Variants in SDK2 observed in about 807,000 individuals in gnomAD.
The protein encoded by SDK2 is protein sidekick-2.
A neutral mutation model predicts 253.9 loss-of-function variants in SDK2; 105 were observed. The observed-to-expected ratio is 0.41, with a 90% CI of 0.35 to 0.49. The LOEUF (loss-of-function observed/expected upper bound fraction) is 0.49. Among genes scored for constraint, SDK2 ranks in the 20% least tolerant of loss-of-function variants. The pLI is 0.06. For synonymous variants in SDK2, 1,249 were observed against 1,234.9 expected (o/e 1.01, Z -0.24); for missense variants, 2,608 against 3,003.0 (o/e 0.87, Z 3.07).
At chr17:73,419,775 C>T (rs10852747) in intron 15 of SDK2, among the ~76,000 whole-genome samples, 99,114 of 144,236 alleles carry the variant, frequency 0.69, 35,101 homozygotes, top group Non-Finnish European at 0.76. Flanking sequence ...TCCCAAATAC[C>T]TGGGAGACTG....
rs1228328171 is a variant in SDK2 at position 73,617,159 on chromosome 17, C to T, written c.64+26866G>A. Among the ~76,000 whole-genome samples the T allele has an allele frequency of 1.5e-4, 22 of 147,648 alleles. 3 individuals carry two copies. The highest frequency in any genetic ancestry group is 7.4e-4 in the Admixed American group (11 of 14,928). ...GCCTCTGGGGAGGGGAGAAGCTTCCCGCAGAGAGGAGGGGAGAGGGCTCCA... is the reference window on the plus strand; with the variant it reads ...GCCTCTGGGGAGGGGAGAAGCTTCCTGCAGAGAGGAGGGGAGAGGGCTCCA... On this transcript the variant is annotated intron_variant, in intron 1 of 44. Transcript: ENST00000392650.
At position 73,419,106 on chromosome 17, in the gene SDK2, G is replaced by C. The variant is rs8071352; in HGVS notation, c.2186+60C>G. 4.4e-6 allele frequency: 7 copies of C among 1,575,768 alleles called. No individual in the cohort carries two copies. The East Asian group carries it at 1.4e-4, about 31-fold the overall frequency. Reference sequence around the variant, plus strand: ...TTGCACTGTTTTCCAGTCCACTCCCGATCTTCCCCCATGCCTTTCCCCTTG... The same window carrying C: ...TTGCACTGTTTTCCAGTCCACTCCCCATCTTCCCCCATGCCTTTCCCCTTG... On this transcript the variant is annotated intron_variant, in intron 16 of 44. Transcript: ENST00000392650.
intron 4 of SDK2, among the ~76,000 whole-genome samples, chr17:73,450,098 G>A (rs11871493): frequency 0.32 from 48,654 of 152,072 alleles, 8,177 homozygotes; most frequent in South Asian, 0.37. Context: ...TTTCCTGCAG[G>A]GACTTGTCCT....
chr17:73,359,941 T>C (rs2062627370), intron 39 of SDK2, among the ~76,000 whole-genome samples: 1 of 152,170 alleles, frequency 6.6e-6, no homozygotes, highest in Non-Finnish European at 1.5e-5. Context: ...CACACCCGGC[T>C]GGTTCTTTCT....
chr17:73,548,452 C>T (rs537313808), intron 1 of SDK2, among the ~76,000 whole-genome samples: 1 of 152,340 alleles, frequency 6.6e-6, no homozygotes, highest in East Asian at 1.9e-4. Context: ...CTCTAAGCTC[C>T]CCCTGCAGCT....
chr17:73,477,333 A>G (rs2063693287), intron 2 of SDK2, among the ~76,000 whole-genome samples: 1 of 152,006 alleles, frequency 6.6e-6, no homozygotes, highest in South Asian at 2.1e-4. Flanking sequence ...TGGGGGGTGG[A>G]TTAAATGGCT....
rs2145503437 is a variant in SDK2 at position 73,393,486 on chromosome 17, G to C, written c.3898+74C>G. 8.7e-6 allele frequency: 12 copies of C among 1,383,092 alleles called. No individual in the cohort carries two copies. The South Asian group carries it at 2.0e-4, about 23-fold the overall frequency. The allele number at this position is 1,383,092 out of a possible 1,614,324, so 85.7% of individuals were successfully genotyped here. ...TGTGGGGCAGAGCCTGACCCCAGAA[G>C]GGCAAGGCCAGATGGGCAGGAGGAA... is the stretch of plus-strand genomic sequence containing the variant. On this transcript the variant is annotated intron_variant, in intron 27 of 44. Transcript: ENST00000392650.
intron 1 of SDK2, among the ~76,000 whole-genome samples, chr17:73,512,005 G>A (rs909836000): frequency 1.3e-5 from 2 of 152,136 alleles, no homozygotes; most frequent in African/African-American, 2.4e-5. Context: ...GCACATCTGT[G>A]TGTGCAAGCC....
chr17:73,489,502 G>A (rs994004668), intron 2 of SDK2, among the ~76,000 whole-genome samples: 6 of 152,324 alleles, frequency 3.9e-5, no homozygotes, highest in Middle Eastern at 3.4e-3. Context: ...GCCAAGCACC[G>A]CCCAGATGGC....
Position 73,538,781 on chromosome 17 carries a change from G to A in SDK2, c.65-31184C>T, listed in dbSNP as rs193259918. On this transcript the variant is annotated intron_variant, in intron 1 of 44. Transcript: ENST00000392650. ...ACCCAGTGTATGCCACAGCCATTTC[G>A]TCTCAGCCTGAAGAGGCTAGGAGTC... Among the ~76,000 whole-genome samples the A allele has an allele frequency of 2.1e-3, 326 of 152,278 alleles. 2 individuals carry two copies. The highest frequency in any genetic ancestry group is 6.3e-3 in the African/African-American group (261 of 41,530).
rs918192899 is a variant in SDK2, at chr17:73,455,856, C to G, written c.479+50G>C. 6.7e-7 allele frequency: 1 copy of G among 1,499,856 alleles called. No individual in the cohort carries two copies. Among genetic ancestry groups the G allele is most frequent in the Non-Finnish European group, 8.9e-7 (1 of 1,124,894 alleles). 92.9% of individuals were successfully genotyped at this position (1,499,856 alleles called of 1,614,324 possible). Reference sequence around the variant, plus strand: ...GAGACTTTATCTGGCCCCAAACCTCCTCCCCCAGACACCCCTCCCCTCCCC... The same window carrying G: ...GAGACTTTATCTGGCCCCAAACCTCGTCCCCCAGACACCCCTCCCCTCCCC... On this transcript the variant is annotated intron_variant, in intron 4 of 44. Transcript: ENST00000392650. This position sits in a 1 kb window ranked among gnomAD's most constrained non-coding sequence, Gnocchi z 5.0.
chr17:73,514,841 A>G (rs1195186711), intron 1 of SDK2, among the ~76,000 whole-genome samples: 1 of 152,100 alleles, frequency 6.6e-6, no homozygotes, highest in African/African-American at 2.4e-5. Context: ...TGGCCCCACC[A>G]CCGTGTCCTG....
chr17:73,399,856 T>G (rs1248277283), intron 21 of SDK2, among the ~76,000 whole-genome samples: 1 of 152,196 alleles, frequency 6.6e-6, no homozygotes, highest in Non-Finnish European at 1.5e-5. Flanking sequence ...CTAACTCCAC[T>G]ACTTACAGGC....
chr17:73,532,673 C>T (rs542739927), intron 1 of SDK2, among the ~76,000 whole-genome samples: 1 of 152,318 alleles, frequency 6.6e-6, no homozygotes, highest in African/African-American at 2.4e-5. Flanking sequence ...TTAATTAGGC[C>T]TGTAATGGCA....
intron 2 of SDK2, among the ~76,000 whole-genome samples, chr17:73,498,249 A>G (rs2063859382): frequency 2.0e-5 from 3 of 152,102 alleles, no homozygotes; most frequent in Non-Finnish European, 4.4e-5. Flanking sequence ...GTTTGTCCAC[A>G]CTACTCAAGT....
intron 1 of SDK2, among the ~76,000 whole-genome samples, chr17:73,554,007 G>A (rs182768785): frequency 5.9e-5 from 9 of 152,260 alleles, no homozygotes; most frequent in African/African-American, 1.2e-4. Context: ...GGGAGCTGGG[G>A]CCCTGAGGCT....
intron 39 of SDK2, among the ~76,000 whole-genome samples, chr17:73,359,922 G>A (rs890758012): frequency 1.3e-5 from 2 of 152,142 alleles, no homozygotes; most frequent in South Asian, 2.1e-4. Flanking sequence ...GATTACAGGC[G>A]TGAACCCCCA....
chr17:73,433,542 A>G (rs751754088), intron 10 of SDK2, among the ~76,000 whole-genome samples, 190 bp downstream of exon 10: 1 of 151,812 alleles, frequency 6.6e-6, no homozygotes, highest in African/African-American at 2.4e-5. Flanking sequence ...GCCCACCTCA[A>G]CCTCCCAAGA....
Position 73,383,756 on chromosome 17 carries a change from G to T in SDK2, c.4705+120C>A. On this transcript the variant is annotated intron_variant, in intron 33 of 44. Coordinates refer to ENST00000392650, the MANE Select transcript of SDK2 (RefSeq NM_001144952.2). This position sits in a 1 kb window ranked among gnomAD's most constrained non-coding sequence, Gnocchi z 4.3. ...GATGGGAGGAGGGAGAGGCACACATGGAGGAGGGAGGCAAGGTTTCAGGTT... is the reference window on the plus strand; with the variant it reads ...GATGGGAGGAGGGAGAGGCACACATTGAGGAGGGAGGCAAGGTTTCAGGTT... 8.3e-7 allele frequency: 1 copy of T among 1,207,778 alleles called. No individual in the cohort carries two copies. Among genetic ancestry groups the T allele is most frequent in the Non-Finnish European group, 1.2e-6 (1 of 844,452 alleles). The allele number at this position is 1,207,778 out of a possible 1,614,324, so 74.8% of individuals were successfully genotyped here. A position where few individuals can be genotyped will look rare whatever the true frequency, so the allele number is the denominator to read the frequency against.
Sources: gnomAD v4.1 joint callset for allele counts (sites outside exome capture counted in the v4.1 genomes callset) on GRCh38, gnomAD v4.1.1 for gene constraint, Gnocchi (gnomAD v3.1) non-coding constraint, MANE v1.5 for transcripts, NCBI Gene and HGNC (gene_info 2026-07-23, HGNC 2026-07-21) for gene names.